The following KDM4B variants were observed in gnomAD, a reference collection of about 807,000 sequenced individuals.
The protein encoded by KDM4B is lysine-specific demethylase 4B.
Under a neutral mutation model 125.2 loss-of-function variants are expected in KDM4B, and 32 were observed. The ratio of observed to expected loss-of-function variants is 0.26; its 90% confidence interval spans 0.19 to 0.34. The LOEUF is 0.34. Among genes scored for constraint, KDM4B ranks in the 10% least tolerant of loss-of-function variants. KDM4B has a pLI of 1.00. For synonymous variants in KDM4B, 721 were observed against 677.9 expected (o/e 1.06, Z -0.99); for missense variants, 1,190 against 1,577.7 (o/e 0.75, Z 4.16).
At chr19:5,139,380 G>A (rs1159072666) in intron 18 of KDM4B, among the ~76,000 whole-genome samples, 2 of 152,220 alleles carry the variant, frequency 1.3e-5, no homozygotes, top group African/African-American at 2.4e-5. Flanking sequence ...TGTGGGTTGC[G>A]CCGCAGCGGA....
At chr19:5,073,862 A>G (rs1038144122) in intron 7 of KDM4B, among the ~76,000 whole-genome samples, 1 of 152,180 alleles carries the variant, frequency 6.6e-6, no homozygotes, top group Admixed American at 6.5e-5. Flanking sequence ...CACACCTGGA[A>G]TCCCAGTGCT....
intron 9 of KDM4B, among the ~76,000 whole-genome samples, chr19:5,084,470 A>G (rs1599583006): frequency 7.1e-6 from 1 of 140,234 alleles, no homozygotes; most frequent in East Asian, 2.0e-4. Context: ...TATATTATAT[A>G]TAAATATAAA....
At chr19:4,969,253 C>G (rs887773769) in intron 1 of KDM4B, 23 bp downstream of exon 1, 10 of 147,438 alleles carry the variant, frequency 6.8e-5, no homozygotes, top group African/African-American at 2.4e-4. Context: ...GGAGGCCGCC[C>G]GGCCGTGTCC....
intron 3 of KDM4B, among the ~76,000 whole-genome samples, chr19:5,038,749 A>T (rs553594714): frequency 1.3e-5 from 2 of 152,136 alleles, no homozygotes; most frequent in Non-Finnish European, 2.9e-5. Flanking sequence ...GAGCTCTGCC[A>T]TTCCTCCCAC....
intron 1 of KDM4B, among the ~76,000 whole-genome samples, chr19:4,980,630 C>G (rs1459159216): frequency 1.3e-5 from 2 of 151,822 alleles, no homozygotes; most frequent in Admixed American, 1.3e-4. Flanking sequence ...CACCATGTTA[C>G]ATGGCCAGGC....
rs1429286404 is a variant in KDM4B, at chr19:5,143,969, A to T, written c.2553A>T (p.Lys851Asn). Residue 851 changes from lysine (K) to asparagine (N), a missense_variant and splice_region_variant, in exon 19 of 23, where the codon AAA (lysine) becomes AAT (asparagine). Lys to Asn is a moderately conservative substitution (Grantham distance 94). Transcript: ENST00000159111. The part of the protein sequence containing the change: ...SAIPEQRWKL[K>N]CVYCRKRMKK... ...CCTGCCTGTGTCCCCATCCCCAGAA[A>T]TGCGTGTACTGCCGGAAGCGGATGA... is the stretch of plus-strand genomic sequence containing the variant. The T allele has an allele frequency of 1.3e-6, 2 of 1,577,682 alleles. No individual in the cohort carries two copies. Among genetic ancestry groups the T allele is most frequent in the Non-Finnish European group, 1.7e-6 (2 of 1,153,218 alleles).
intron 2 of KDM4B, among the ~76,000 whole-genome samples, chr19:5,022,851 G>T (rs534989056): frequency 6.6e-6 from 1 of 151,628 alleles, no homozygotes; most frequent in Non-Finnish European, 1.5e-5. Context: ...GGATGTGGGG[G>T]TTGGTACTTT....
chr19:5,082,577 G>A lies in KDM4B; in HGVS notation c.918+73G>A, dbSNP rs899234981. 14 of 1,471,414 alleles carry A rather than the reference G, an allele frequency of 9.5e-6. No individual in the cohort carries two copies. The highest frequency in any genetic ancestry group is 7.0e-5 in the East Asian group (3 of 43,004). 91.1% of individuals were successfully genotyped at this position (1,471,414 alleles called of 1,614,324 possible). ...CTCTTTTTTGCCTCTGCAGCCACAC[G>A]CCCATAGCTGGTCCAGCAGCCGTTT... On this transcript the variant is annotated intron_variant, in intron 9 of 22. Coordinates refer to ENST00000159111, the MANE Select transcript of KDM4B (RefSeq NM_015015.3). The surrounding 1 kb of genome is among the most constrained non-coding windows in gnomAD (Gnocchi z 5.4).
At chr19:4,979,333 G>A (rs562892708) in intron 1 of KDM4B, among the ~76,000 whole-genome samples, 2 of 152,348 alleles carry the variant, frequency 1.3e-5, no homozygotes, top group East Asian at 1.9e-4. Flanking sequence ...AGTGCAGTGC[G>A]CCGGGAGGCT....
At chr19:5,019,425 CGTT>C (rs1389011173) in intron 2 of KDM4B, among the ~76,000 whole-genome samples, 5 of 81,312 alleles carry the variant, frequency 6.1e-5, no homozygotes, top group Non-Finnish European at 1.2e-4. Flanking sequence ...CTGGTGTGGA[CGTT>C]GGTGTGCGGG....
intron 1 of KDM4B, among the ~76,000 whole-genome samples, chr19:4,998,338 G>A (rs1253942278): frequency 1.3e-5 from 2 of 152,144 alleles, no homozygotes; most frequent in African/African-American, 2.4e-5. Context: ...CTTTTTTGTT[G>A]TTTTTGTTTT....
chr19:5,050,931 C>A (rs1032863870), intron 6 of KDM4B, among the ~76,000 whole-genome samples: 1 of 152,116 alleles, frequency 6.6e-6, no homozygotes, highest in African/African-American at 2.4e-5. Context: ...AATAAAAAGA[C>A]CCTCCTGGAA....
chr19:5,137,495 C>T (rs2039669977), intron 16 of KDM4B, 126 bp from the exon 17 acceptor site: 6 of 1,227,566 alleles, frequency 4.9e-6, no homozygotes, highest in Non-Finnish European at 5.8e-6. Context: ...CCACCCGTCA[C>T]TTTGGTGGCT....
intron 9 of KDM4B, among the ~76,000 whole-genome samples, chr19:5,108,403 C>G (rs1424143747): frequency 6.6e-6 from 1 of 152,214 alleles, no homozygotes; most frequent in Non-Finnish European, 1.5e-5. Context: ...TCCTGCTCAG[C>G]ATGATAGGAA....
At chr19:5,090,592 C>T (rs1205822001) in intron 9 of KDM4B, among the ~76,000 whole-genome samples, 1 of 60,634 alleles carries the variant, frequency 1.6e-5, no homozygotes, top group Non-Finnish European at 3.5e-5. Flanking sequence ...TCTCCCCCCT[C>T]CCTCTCTTTC....
At chr19:4,978,368 G>A (rs1414447964) in intron 1 of KDM4B, among the ~76,000 whole-genome samples, 2 of 151,722 alleles carry the variant, frequency 1.3e-5, no homozygotes, top group South Asian at 2.1e-4. Context: ...TTAGCCGGGC[G>A]CGGTGGCACG....
chr19:5,111,845 G>A (rs376200313), intron 10 of KDM4B: 21 of 764,558 alleles, frequency 2.7e-5, no homozygotes, highest in South Asian at 6.7e-5. Context: ...GATAGACAGC[G>A]AAGAAATGCG....
At chr19:5,061,051 G>A (rs1447605514) in intron 6 of KDM4B, among the ~76,000 whole-genome samples, 1 of 152,212 alleles carries the variant, frequency 6.6e-6, no homozygotes, top group Non-Finnish European at 1.5e-5. Flanking sequence ...CGGATCCTCA[G>A]GGTGCTGACC....
intron 6 of KDM4B, among the ~76,000 whole-genome samples, chr19:5,059,013 G>C (rs1021073299): frequency 2.6e-5 from 4 of 152,238 alleles, no homozygotes; most frequent in Non-Finnish European, 4.4e-5. Context: ...TATTCAGGCT[G>C]TGGGGGTCTG....
Sources: gnomAD v4.1 joint callset for allele counts (sites outside exome capture counted in the v4.1 genomes callset) on GRCh38, gnomAD v4.1.1 for gene constraint, Gnocchi (gnomAD v3.1) non-coding constraint, MANE v1.5 for transcripts, NCBI Gene and HGNC (gene_info 2026-07-23, HGNC 2026-07-21) for gene names.